The following PTGFR variants were observed in gnomAD, a reference collection of about 807,000 sequenced individuals.
PTGFR encodes the protein prostaglandin F receptor.
In PTGFR, 15 loss-of-function variants were observed where a neutral mutation model predicts 26.2. The observed-to-expected ratio is 0.57, with a 90% CI of 0.38 to 0.88. The LOEUF (loss-of-function observed/expected upper bound fraction) is 0.88. PTGFR is among the 40% of genes least tolerant of loss of function. The probability of loss-of-function intolerance (pLI) is 0.00; values close to 1 mark genes in which losing one functional copy is unlikely to be tolerated. For missense variants in PTGFR, 369 were observed against 427.2 expected, an observed-to-expected ratio of 0.86 and a Z score of 1.20; for synonymous variants, 165 against 151.1, an observed-to-expected ratio of 1.09 and a Z score of -0.68.
intron 2 of PTGFR, among the ~76,000 whole-genome samples, chr1:78,532,715 G>A (rs1650552193): frequency 1.3e-5 from 2 of 151,446 alleles, no homozygotes; most frequent in Admixed American, 6.6e-5. Context: ...CTACAGGCAT[G>A]TGTCACCATG....
intron 2 of PTGFR, among the ~76,000 whole-genome samples, chr1:78,511,646 T>C (rs1177478975): frequency 6.6e-6 from 1 of 152,224 alleles, no homozygotes; most frequent in Non-Finnish European, 1.5e-5. Flanking sequence ...CATTGTCTTG[T>C]ATATTAGCAC....
At chr1:78,524,581 C>A (rs562493822) in intron 2 of PTGFR, among the ~76,000 whole-genome samples, 1 of 152,082 alleles carries the variant, frequency 6.6e-6, no homozygotes, top group Non-Finnish European at 1.5e-5. Flanking sequence ...ACTGGCAATA[C>A]AACCTGATCA....
chr1:78,506,939 A>C (rs1649840295), intron 2 of PTGFR, among the ~76,000 whole-genome samples: 2 of 152,174 alleles, frequency 1.3e-5, no homozygotes, highest in Non-Finnish European at 2.9e-5. Context: ...GAAGAGTGTT[A>C]ATATTTCTGT....
rs148884518 is a variant in PTGFR, at chr1:78,500,745, T to C, written c.798+7204T>C. Among the ~76,000 whole-genome samples the C allele has an allele frequency of 3.0e-3, 457 of 152,358 alleles. 5 individuals carry two copies. The highest frequency in any genetic ancestry group is 0.011 in the African/African-American group (444 of 41,588). On this transcript the variant is annotated intron_variant, in intron 2 of 2. Coordinates refer to ENST00000370757, the MANE Select transcript of PTGFR (RefSeq NM_000959.4). ...GTTCATGTACTATCTGCATATAAAG[T>C]GCATTACACATTGGTTTACAGTGTT...
chr1:78,516,222 T>C (rs1232181146), intron 2 of PTGFR, among the ~76,000 whole-genome samples: 1 of 152,206 alleles, frequency 6.6e-6, no homozygotes, highest in African/African-American at 2.4e-5. Context: ...AACGTAGATT[T>C]CCTTAGATGT....
At chr1:78,512,603 G>A (rs1649999954) in intron 2 of PTGFR, among the ~76,000 whole-genome samples, 3 of 152,242 alleles carry the variant, frequency 2.0e-5, no homozygotes, top group Non-Finnish European at 2.9e-5. Context: ...ATTATAAGGA[G>A]GGCACCAAGC....
At chr1:78,508,251 T>G (rs938304128) in intron 2 of PTGFR, among the ~76,000 whole-genome samples, 1 of 152,256 alleles carries the variant, frequency 6.6e-6, no homozygotes, top group African/African-American at 2.4e-5. Context: ...ATGCATCATA[T>G]GTCTATTTTT....
intron 2 of PTGFR, among the ~76,000 whole-genome samples, chr1:78,529,345 T>A (rs1270032502): frequency 1.3e-5 from 2 of 152,196 alleles, no homozygotes; most frequent in African/African-American, 4.8e-5. Flanking sequence ...GGGATGCTAA[T>A]AATTACTTCA....
At chr1:78,491,687 G>C (rs1426574506) in intron 1 of PTGFR, among the ~76,000 whole-genome samples, 1 of 152,234 alleles carries the variant, frequency 6.6e-6, no homozygotes, top group African/African-American at 2.4e-5. Context: ...ATAGTAACGG[G>C]CGAAAGTCGA....
intron 2 of PTGFR, among the ~76,000 whole-genome samples, chr1:78,508,567 C>T (rs1570278911): frequency 6.6e-6 from 1 of 152,168 alleles, no homozygotes; most frequent in East Asian, 1.9e-4. Context: ...TGCTGTGCAC[C>T]TCAGAGAAAT....
intron 2 of PTGFR, among the ~76,000 whole-genome samples, chr1:78,512,185 A>G (rs1649988005): frequency 1.3e-5 from 2 of 151,772 alleles, no homozygotes; most frequent in African/African-American, 4.8e-5. Flanking sequence ...AACTCTTCCA[A>G]CCTCTGCCTG....
At chr1:78,496,288 G>A (rs1028048572) in intron 2 of PTGFR, among the ~76,000 whole-genome samples, 1 of 151,978 alleles carries the variant, frequency 6.6e-6, no homozygotes, top group African/African-American at 2.4e-5. Context: ...ATATCTAGGA[G>A]GATTTTAATA....
chr1:78,493,222 G>C lies in PTGFR; in HGVS notation c.479G>C (p.Cys160Ser). 1 of 1,614,184 alleles carries C rather than the reference G, an allele frequency of 6.2e-7. No homozygotes were observed. Among genetic ancestry groups the C allele is most frequent in the Non-Finnish European group, 8.5e-7 (1 of 1,180,038 alleles). ...KHVKMMLSGV[C>S]LFAVFIALLP... ...GTGAAAATGATGTTAAGTGGTGTGT[G>C]CTTGTTTGCTGTTTTCATAGCTTTG... Residue 160 changes from cysteine (C) to serine (S), a missense_variant, in exon 2 of 3, where the codon TGC (cysteine) becomes TCC (serine). Transcript: ENST00000370757.
At chr1:78,520,633 G>T (rs902474611) in intron 2 of PTGFR, among the ~76,000 whole-genome samples, 1 of 152,102 alleles carries the variant, frequency 6.6e-6, no homozygotes, top group African/African-American at 2.4e-5. Flanking sequence ...ATGTGAGTGA[G>T]TCATTAGTAT....
intron 2 of PTGFR, among the ~76,000 whole-genome samples, chr1:78,503,874 T>C (rs748779904): frequency 1.6e-4 from 24 of 152,224 alleles, no homozygotes; most frequent in African/African-American, 5.5e-4. Flanking sequence ...ATATTGGTTG[T>C]TATTGTTATT....
chr1:78,510,067 C>T (rs1570279944), intron 2 of PTGFR, among the ~76,000 whole-genome samples: 1 of 152,152 alleles, frequency 6.6e-6, no homozygotes, highest in South Asian at 2.1e-4. Flanking sequence ...TAAGCAGCAA[C>T]CAATTAAAAA....
rs1053495580 is a variant in PTGFR at position 78,538,493 on chromosome 1, T to C, written c.*1806T>C. The stretch of plus-strand genomic sequence containing the variant: ...ATATGTTTGGGTAACCAAATTGGTC[T>C]TAAAAATGATGTTAACCCAAGAAGT... On this transcript the variant is annotated 3_prime_UTR_variant, in exon 3 of 3. Transcript: ENST00000370757. 2 of 151,028 alleles carry C rather than the reference T, an allele frequency of 1.3e-5. No individual in the cohort carries two copies. The highest frequency in any genetic ancestry group is 2.4e-5 in the African/African-American group (1 of 41,056). The allele number at this position is 151,028 out of a possible 1,614,324, so 9.4% of individuals were successfully genotyped here.
intron 2 of PTGFR, among the ~76,000 whole-genome samples, chr1:78,531,621 A>G (rs1650508459): frequency 6.6e-6 from 1 of 152,086 alleles, no homozygotes; most frequent in Non-Finnish European, 1.5e-5. Flanking sequence ...AAGTTCATAT[A>G]AGTTTTCTTT....
intron 2 of PTGFR, among the ~76,000 whole-genome samples, chr1:78,498,204 G>A (rs1037633850): frequency 1.3e-5 from 2 of 152,120 alleles, no homozygotes; most frequent in South Asian, 4.1e-4. Flanking sequence ...AGCACATTTT[G>A]ACTATTAGTG....
Sources: allele counts gnomAD v4.1 joint callset (sites outside exome capture counted in the v4.1 genomes callset), GRCh38; gene constraint gnomAD v4.1.1; transcripts MANE v1.5; gene names NCBI Gene and HGNC (gene_info 2026-07-23, HGNC 2026-07-21).